SLC24A4: variants seen among roughly 807,000 people sequenced by gnomAD.
The protein encoded by SLC24A4 is solute carrier family 24 member 4, also known as sodium/potassium/calcium exchanger 4.
Under a neutral mutation model 79.0 loss-of-function variants are expected in SLC24A4, and 53 were observed. The ratio of observed to expected loss-of-function variants is 0.67; its 90% CI spans 0.54 to 0.84. The LOEUF (loss-of-function observed/expected upper bound fraction) is 0.84, where lower values mean the gene tolerates loss of function less well. Ranked by LOEUF, SLC24A4 falls within the 40% of genes least tolerant of loss-of-function variation. SLC24A4 has a pLI of 0.00. For synonymous variants in SLC24A4, 323 were observed against 323.8 expected (o/e 1.00, Z 0.03); for missense variants, 731 against 822.0 (o/e 0.89, Z 1.35).
chr14:92,471,059 G>C (rs912080243), intron 12 of SLC24A4, among the ~76,000 whole-genome samples: 2 of 152,206 alleles, frequency 1.3e-5, no homozygotes, highest in Admixed American at 1.3e-4. Flanking sequence ...GTCTCTTAAG[G>C]ATTGCATTCA....
Position 92,493,623 on chromosome 14 carries a change from G to T in SLC24A4, c.1864G>T (p.Asp622Tyr), listed in dbSNP as rs1399933125. Residue 622 changes from aspartate to tyrosine, a missense_variant, in exon 17 of 17, where the codon GAT becomes TAT. By Grantham distance (160) the Asp-to-Tyr change is radical. Transcript: ENST00000532405. ...FVNLPMCRED[D>Y] Reference sequence around the variant, plus strand: ...CAACTTGCCGATGTGCCGGGAAGACGATTAGCGCTGAGTCGCGGCCCCTGG... The same window carrying T: ...CAACTTGCCGATGTGCCGGGAAGACTATTAGCGCTGAGTCGCGGCCCCTGG... 1 of 1,614,124 alleles carries T rather than the reference G, an allele frequency of 6.2e-7. No homozygotes were observed. The highest frequency in any genetic ancestry group is 1.3e-5 in the African/African-American group (1 of 75,052).
intron 2 of SLC24A4, among the ~76,000 whole-genome samples, chr14:92,363,890 C>T (rs1021927602): frequency 5.9e-5 from 9 of 152,168 alleles, no homozygotes; most frequent in African/African-American, 1.2e-4. Flanking sequence ...TACTGCCCCT[C>T]GCCTGGTCCC....
intron 2 of SLC24A4, among the ~76,000 whole-genome samples, chr14:92,380,406 T>G (rs926752795): frequency 6.6e-6 from 1 of 152,154 alleles, no homozygotes; most frequent in African/African-American, 2.4e-5. Flanking sequence ...TCAGGCAGGA[T>G]CCTGCTTGAA....
intron 12 of SLC24A4, among the ~76,000 whole-genome samples, chr14:92,477,267 T>C (rs1052320540): frequency 6.6e-6 from 1 of 152,192 alleles, no homozygotes; most frequent in Non-Finnish European, 1.5e-5. Context: ...CTAATGACCA[T>C]TTTCTTTGGA....
chr14:92,335,594 C>T (rs1032702548), intron 2 of SLC24A4, among the ~76,000 whole-genome samples: 9 of 152,062 alleles, frequency 5.9e-5, no homozygotes, highest in Non-Finnish European at 8.8e-5. Context: ...AACTCCTGAC[C>T]TCAGGTGATC....
chr14:92,447,340 C>A, intron 8 of SLC24A4, 31 bp from the exon 9 acceptor site: 1 of 1,612,464 alleles, frequency 6.2e-7, no homozygotes, highest in Non-Finnish European at 8.5e-7. Context: ...GGGCCCCGAG[C>A]TCTAACCGCA....
chr14:92,338,103 G>A (rs1885918334), intron 2 of SLC24A4, among the ~76,000 whole-genome samples: 1 of 152,058 alleles, frequency 6.6e-6, no homozygotes, highest in South Asian at 2.1e-4. Flanking sequence ...GATCACATGG[G>A]GCACAGAGGT....
In SLC24A4 at chr14:92,398,687, A is replaced by G. The variant is rs56403787; in HGVS notation, c.242-35225A>G. On this transcript the variant is annotated intron_variant, in intron 2 of 16. Coordinates refer to ENST00000532405, the MANE Select transcript of SLC24A4 (RefSeq NM_153646.4). This position sits in a 1 kb window ranked among gnomAD's most constrained non-coding sequence, Gnocchi z 4.1. The stretch of plus-strand genomic sequence containing the variant: ...CCTTCCTCGTGTTAGCCAAAGCGAG[A>G]AGGGGGGTTACTGTAGTTGCTTGGA... Among the ~76,000 whole-genome samples, 5 of 152,240 alleles carry G rather than the reference A, an allele frequency of 3.3e-5. No homozygotes were observed. Among genetic ancestry groups the G allele is most frequent in the Non-Finnish European group, 5.9e-5 (4 of 68,016 alleles).
At chr14:92,349,509 T>A (rs1886748332) in intron 2 of SLC24A4, among the ~76,000 whole-genome samples, 1 of 152,218 alleles carries the variant, frequency 6.6e-6, no homozygotes, top group Non-Finnish European at 1.5e-5. Context: ...AGACTACAGT[T>A]TTTGAGATGA....
chr14:92,484,816 A>G (rs771807621), intron 13 of SLC24A4: 11 of 985,342 alleles, frequency 1.1e-5, no homozygotes, highest in Non-Finnish European at 1.3e-5. Flanking sequence ...TTAGCCGCTT[A>G]TTGAAACCAA....
chr14:92,446,795 T>C (rs1169123722), intron 8 of SLC24A4, among the ~76,000 whole-genome samples: 1 of 152,196 alleles, frequency 6.6e-6, no homozygotes, highest in Non-Finnish European at 1.5e-5. Flanking sequence ...AAATCCCCAC[T>C]GCTAATGGGA....
At chr14:92,428,955 A>G (rs1003350791) in intron 2 of SLC24A4, among the ~76,000 whole-genome samples, 1 of 152,232 alleles carries the variant, frequency 6.6e-6, no homozygotes, top group Non-Finnish European at 1.5e-5. Flanking sequence ...TTCCATTGAT[A>G]TGGTGCTCTG....
intron 2 of SLC24A4, among the ~76,000 whole-genome samples, chr14:92,329,031 A>G (rs1885317136): frequency 6.6e-6 from 1 of 152,250 alleles, no homozygotes; most frequent in African/African-American, 2.4e-5. Flanking sequence ...CTGCCATCTG[A>G]TGGCTGCCTC....
intron 2 of SLC24A4, among the ~76,000 whole-genome samples, chr14:92,366,657 GC>G (rs1466037341): frequency 1.3e-5 from 2 of 152,128 alleles, no homozygotes; most frequent in Non-Finnish European, 2.9e-5. Flanking sequence ...AAACAATGGG[GC>G]CAGAACCACT....
chr14:92,407,750 G>C (rs1890470200), intron 2 of SLC24A4, among the ~76,000 whole-genome samples: 1 of 151,842 alleles, frequency 6.6e-6, no homozygotes, highest in Admixed American at 6.6e-5. Flanking sequence ...CTGTGATCCA[G>C]TCACCTCCCA....
Position 92,454,029 on chromosome 14 carries a change from G to T in SLC24A4, c.1010G>T (p.Arg337Met). The T allele has an allele frequency of 6.2e-7, 1 of 1,613,392 alleles. No homozygotes were observed. Among genetic ancestry groups the T allele is most frequent in the Non-Finnish European group, 8.5e-7 (1 of 1,179,680 alleles). Reference protein sequence around the residue: ...RIMITNKFGPRTRLRMASRII... With the variant: ...RIMITNKFGPMTRLRMASRII... ...ATGATCACCAATAAGTTTGGACCCA[G>T]GACCCGACTACGGATGGCCAGCAGG... Residue 337 changes from arginine to methionine, a missense_variant, in exon 11 of 17, where the codon AGG (arginine) becomes ATG (methionine). Arg to Met is a moderately conservative substitution (Grantham distance 91, BLOSUM62 -1). Coordinates refer to ENST00000532405, the MANE Select transcript of SLC24A4 (RefSeq NM_153646.4).
At chr14:92,439,613 T>C (rs563176123) in intron 4 of SLC24A4, among the ~76,000 whole-genome samples, 19 of 152,258 alleles carry the variant, frequency 1.2e-4, no homozygotes, top group South Asian at 2.1e-4. Context: ...TCCCAGAACT[T>C]GGCAGAAAAA....
intron 2 of SLC24A4, among the ~76,000 whole-genome samples, chr14:92,428,240 A>G (rs939714046): frequency 6.6e-6 from 1 of 152,176 alleles, no homozygotes; most frequent in Admixed American, 6.5e-5. Context: ...CTTGGTTGCC[A>G]GTGGAAATGG....
intron 2 of SLC24A4, among the ~76,000 whole-genome samples, chr14:92,369,935 T>C (rs1456215756): frequency 6.6e-6 from 1 of 152,240 alleles, no homozygotes; most frequent in East Asian, 1.9e-4. Flanking sequence ...GAGGAAAAGA[T>C]ACTGATGGAT....
Sources: gnomAD v4.1 joint callset for allele counts (sites outside exome capture counted in the v4.1 genomes callset) on GRCh38, gnomAD v4.1.1 for gene constraint, Gnocchi (gnomAD v3.1) non-coding constraint, MANE v1.5 for transcripts, NCBI Gene and HGNC (gene_info 2026-07-23, HGNC 2026-07-21) for gene names.